The following THOC1 variants were observed in gnomAD, a reference collection of about 807,000 sequenced individuals.
THOC1 encodes THO complex subunit 1, also known as THO complex 1.
A neutral mutation model predicts 97.3 loss-of-function variants in THOC1; 29 were observed. That is an observed-to-expected ratio of 0.30 (90% CI 0.22 to 0.41). The LOEUF (loss-of-function observed/expected upper bound fraction) is 0.41. Ranked by LOEUF, THOC1 falls within the 10% of genes least tolerant of loss-of-function variation. THOC1 has a pLI of 1.00. For missense variants in THOC1, 529 were observed against 761.9 expected (o/e 0.69, Z 3.60); for synonymous variants, 255 against 257.0 (o/e 0.99, Z 0.07).
chr18:246,481 T>C (rs1253344343), intron 10 of THOC1, 26 bp from the exon 11 acceptor site: 2 of 1,554,694 alleles, frequency 1.3e-6, no homozygotes, highest in East Asian at 2.3e-5. Flanking sequence ...ATTAGTTTTA[T>C]TCGACATTGT....
chr18:240,230 T>C (rs1157380689), intron 11 of THOC1, among the ~76,000 whole-genome samples: 1 of 152,216 alleles, frequency 6.6e-6, no homozygotes, highest in Non-Finnish European at 1.5e-5. Flanking sequence ...CTCTTCAAGA[T>C]TAGGCTCCAA....
intron 11 of THOC1, chr18:244,651 T>C (rs1056576116): frequency 4.6e-5 from 7 of 152,242 alleles, no homozygotes; most frequent in South Asian, 2.1e-4. Context: ...CCCACAGTTA[T>C]GGCATGATGT....
At chr18:230,881 A>G (rs924283417) in intron 11 of THOC1, among the ~76,000 whole-genome samples, 8 of 152,172 alleles carry the variant, frequency 5.3e-5, no homozygotes, top group Non-Finnish European at 1.2e-4. Context: ...GACCACCGGC[A>G]TATGCCACAA....
chr18:218,414 A>G (rs1336075646), intron 18 of THOC1, among the ~76,000 whole-genome samples: 1 of 152,150 alleles, frequency 6.6e-6, no homozygotes, highest in Non-Finnish European at 1.5e-5. Flanking sequence ...CCAATTCCTG[A>G]TGTTACTCCA....
intron 1 of THOC1, among the ~76,000 whole-genome samples, chr18:267,019 GTA>G (rs10531243): frequency 0.72 from 107,467 of 148,380 alleles, 38,887 homozygotes; most frequent in South Asian, 0.85. Context: ...GTATATATAT[GTA>G]TATATATATA....
intron 18 of THOC1, among the ~76,000 whole-genome samples, chr18:218,588 A>G (rs924492781): frequency 6.6e-6 from 1 of 152,160 alleles, no homozygotes; most frequent in Non-Finnish European, 1.5e-5. Context: ...GCTGTGAGAT[A>G]CTGTGCTTTG....
intron 11 of THOC1, among the ~76,000 whole-genome samples, chr18:243,179 C>T (rs1911966125): frequency 6.6e-6 from 1 of 152,006 alleles, no homozygotes; most frequent in Non-Finnish European, 1.5e-5. Flanking sequence ...CTGTTTTTAC[C>T]TTCCTCGTGA....
At chr18:264,713 G>A (rs1466081157) in intron 3 of THOC1, among the ~76,000 whole-genome samples, 2 of 152,210 alleles carry the variant, frequency 1.3e-5, no homozygotes, top group Non-Finnish European at 2.9e-5. Flanking sequence ...GAGAGAAAGG[G>A]ACATTGTACT....
chr18:253,678 TATG>T (rs1266974294), intron 8 of THOC1, among the ~76,000 whole-genome samples: 1 of 152,184 alleles, frequency 6.6e-6, no homozygotes, highest in Non-Finnish European at 1.5e-5. Context: ...TAATCTACCT[TATG>T]ATTAACACTA....
intron 13 of THOC1, 99 bp from the exon 14 acceptor site, chr18:225,238 G>T: frequency 6.5e-7 from 1 of 1,534,752 alleles, no homozygotes; most frequent in Non-Finnish European, 8.9e-7. Context: ...TCTTGTACCT[G>T]AGCTTAACTT....
chr18:267,940 C>A (rs769771546), intron 1 of THOC1, 26 bp downstream of exon 1: 2 of 1,606,512 alleles, frequency 1.2e-6, no homozygotes, highest in South Asian at 1.1e-5. Flanking sequence ...CCGGGTCAGG[C>A]CTGCACCCTC....
At chr18:228,830 G>T (rs1911385248) in intron 11 of THOC1, among the ~76,000 whole-genome samples, 1 of 152,180 alleles carries the variant, frequency 6.6e-6, no homozygotes, top group Non-Finnish European at 1.5e-5. Context: ...GGCACCACTG[G>T]TATGTTGTCA....
In THOC1 at chr18:247,882, G is replaced by A; in HGVS notation, c.753C>T (p.Cys251=). The A allele has an allele frequency of 6.2e-7, 1 of 1,609,012 alleles. No homozygotes were observed. Among genetic ancestry groups the A allele is most frequent in the East Asian group, 2.2e-5 (1 of 44,732 alleles). The change falls in exon 10 of 21, where the codon TGC becomes TGT. Residue 251 remains cysteine (C), a synonymous_variant. Transcript: ENST00000261600. ...AAGTTTTCCATGAAATCTTCTCATA[G>A]CATTGCACAGGGTTCCTGAAGTAAT... The part of the protein sequence containing the change: ...LQDYFRNPVQ[C]YEKISWKTFL...
chr18:256,255 G>A (rs1912432663), intron 7 of THOC1, among the ~76,000 whole-genome samples: 1 of 152,112 alleles, frequency 6.6e-6, no homozygotes, highest in Non-Finnish European at 1.5e-5. Flanking sequence ...TTCTGGAAAG[G>A]ACCTACAAAT....
chr18:223,266 A>G (rs1911154880), intron 17 of THOC1, among the ~76,000 whole-genome samples, 174 bp downstream of exon 17: 2 of 152,142 alleles, frequency 1.3e-5, no homozygotes, highest in South Asian at 4.1e-4. Context: ...TTCTAAAATT[A>G]TTTTATCAGC....
chr18:260,834 T>G (rs1380484964), intron 4 of THOC1: 1 of 152,202 alleles, frequency 6.6e-6, no homozygotes, highest in Non-Finnish European at 1.5e-5. Flanking sequence ...AAAATGCTTA[T>G]GATATAATGC....
Position 242,029 on chromosome 18 carries a change from C to T in THOC1, c.918+4295G>A, listed in dbSNP as rs1340611148. ...TTGGGCACTAGTATTCAGAATCACA[C>T]TCCAGGTAGTACAAAAATGTGGCAC... On this transcript the variant is annotated intron_variant, in intron 11 of 20. Transcript: ENST00000261600. This position sits in a 1 kb window ranked among gnomAD's most constrained non-coding sequence, Gnocchi z 4.5. Among the ~76,000 whole-genome samples the T allele has an allele frequency of 2.0e-5, 3 of 152,222 alleles. No homozygotes were observed. Among genetic ancestry groups the T allele is most frequent in the Non-Finnish European group, 2.9e-5 (2 of 68,040 alleles).
chr18:224,697 A>G (rs2143167318), intron 15 of THOC1, among the ~76,000 whole-genome samples: 1 of 152,316 alleles, frequency 6.6e-6, no homozygotes, highest in East Asian at 1.9e-4. Context: ...CTTCTCAATA[A>G]TAAGATGTTT....
At chr18:245,928 T>C (rs958796804) in intron 11 of THOC1, 2 of 155,234 alleles carry the variant, frequency 1.3e-5, no homozygotes, top group Non-Finnish European at 2.8e-5. Context: ...TATATTTGAA[T>C]AAAATTTACT....
Sources: allele counts gnomAD v4.1 joint callset (sites outside exome capture counted in the v4.1 genomes callset), GRCh38; gene constraint gnomAD v4.1.1; non-coding constraint Gnocchi (gnomAD v3.1); transcripts MANE v1.5; gene names NCBI Gene and HGNC (gene_info 2026-07-23, HGNC 2026-07-21).